Variants in EBF3 observed in about 807,000 individuals in gnomAD.
The protein encoded by EBF3 is transcription factor COE3.
A neutral mutation model predicts 77.1 loss-of-function variants in EBF3; 18 were observed. The ratio of observed to expected loss-of-function variants is 0.23; its 90% CI spans 0.16 to 0.35. EBF3 has a LOEUF of 0.35. EBF3 is among the 10% of genes least tolerant of loss of function. The pLI is 1.00. For synonymous variants in EBF3, 350 were observed against 343.5 expected (o/e 1.02, Z -0.21); for missense variants, 558 against 860.0 (o/e 0.65, Z 4.39).
chr10:129,924,709 C>T (rs145468405), intron 6 of EBF3, among the ~76,000 whole-genome samples: 3 of 152,260 alleles, frequency 2.0e-5, no homozygotes, highest in East Asian at 3.9e-4. Flanking sequence ...CTCTGTTGCC[C>T]GAGCTAGAGT....
intron 6 of EBF3, among the ~76,000 whole-genome samples, chr10:129,898,057 G>A (rs1377349921): frequency 4.6e-5 from 7 of 152,210 alleles, no homozygotes; most frequent in South Asian, 4.1e-4. Flanking sequence ...AGAGCTCAGC[G>A]CTCCTGTTGG....
At position 129,903,496 on chromosome 10, in the gene EBF3, C is replaced by A. The variant is rs140463011; in HGVS notation, c.555-25647G>T. 2.7e-3 allele frequency among the ~76,000 whole-genome samples: 417 copies of A among 152,334 alleles called. 5 individuals carry two copies. The highest frequency in any genetic ancestry group is 1.7e-3 in the Non-Finnish European group (117 of 68,036). On this transcript the variant is annotated intron_variant, in intron 6 of 16. Transcript: ENST00000440978. Reference sequence around the variant, plus strand: ...GAGATTACAAAGATAGCATCACACCCTTACAAAGTTCAGATTACATCCCAT... The same window carrying A: ...GAGATTACAAAGATAGCATCACACCATTACAAAGTTCAGATTACATCCCAT...
rs1850100548 is a variant in EBF3 at position 129,842,044 on chromosome 10, C to G, written c.1372+72G>C. On this transcript the variant is annotated intron_variant, in intron 13 of 16. Coordinates refer to ENST00000440978, the MANE Select transcript of EBF3 (RefSeq NM_001375380.1). This position sits in a 1 kb window ranked among gnomAD's most constrained non-coding sequence, Gnocchi z 4.4. ...TCCCCAGCTGGCCCTGGACACGTGC[C>G]TCTTCAGCTAAGGCCTCAACCAACC... 9 of 1,595,654 alleles carry G rather than the reference C, an allele frequency of 5.6e-6. No homozygotes were observed. Among genetic ancestry groups the G allele is most frequent in the Non-Finnish European group, 7.7e-6 (9 of 1,166,994 alleles).
intron 6 of EBF3, among the ~76,000 whole-genome samples, chr10:129,881,732 G>A (rs570270947): frequency 2.0e-5 from 3 of 152,302 alleles, no homozygotes; most frequent in Admixed American, 6.5e-5. Flanking sequence ...TGTGAAGATG[G>A]ACCAAGGGGC....
At position 129,865,062 on chromosome 10, in the gene EBF3, C is replaced by T. The variant is rs975512681; in HGVS notation, c.1039+2079G>A. 2.6e-5 allele frequency among the ~76,000 whole-genome samples: 4 copies of T among 152,224 alleles called. No homozygotes were observed. The East Asian group carries it at 7.7e-4, about 29-fold the overall frequency. On this transcript the variant is annotated intron_variant, in intron 10 of 16. Coordinates refer to ENST00000440978, the MANE Select transcript of EBF3 (RefSeq NM_001375380.1). ...GCAAACACCAGGTCTTTGCACGGGG[C>T]CTACAGCCTCTACAGCCAGATGTGC...
At chr10:129,869,469 C>T (rs1395702480) in intron 8 of EBF3, among the ~76,000 whole-genome samples, 1 of 151,188 alleles carries the variant, frequency 6.6e-6, no homozygotes, top group Non-Finnish European at 1.5e-5. Context: ...CAAAGGACAT[C>T]TTGGGGCCTT....
chr10:129,857,489 C>A (rs577420592), intron 10 of EBF3, among the ~76,000 whole-genome samples: 1 of 152,330 alleles, frequency 6.6e-6, no homozygotes, highest in East Asian at 1.9e-4. Flanking sequence ...TCTACGGCCA[C>A]CTCCCAACCA....
intron 6 of EBF3, among the ~76,000 whole-genome samples, chr10:129,955,637 T>G (rs1858979798): frequency 6.6e-6 from 1 of 152,222 alleles, no homozygotes; most frequent in South Asian, 2.1e-4. Context: ...GCATCAATAG[T>G]CAATAAAGGA....
chr10:129,950,308 G>A lies in EBF3; in HGVS notation c.554+6950C>T, dbSNP rs544847844. Among the ~76,000 whole-genome samples the A allele has an allele frequency of 2.4e-4, 37 of 152,274 alleles. 1 individual carries two copies. The highest frequency in any genetic ancestry group is 8.2e-4 in the African/African-American group (34 of 41,552). On this transcript the variant is annotated intron_variant, in intron 6 of 16. Coordinates refer to ENST00000440978, the MANE Select transcript of EBF3 (RefSeq NM_001375380.1). Reference sequence around the variant, plus strand: ...TGCAGAGGATGCGCCCCATCCACTCGGGCACCACAGCCCTGCATGAATTTT... The same window carrying A: ...TGCAGAGGATGCGCCCCATCCACTCAGGCACCACAGCCCTGCATGAATTTT...
chr10:129,944,926 T>C lies in EBF3; in HGVS notation c.554+12332A>G, dbSNP rs2134518546. On this transcript the variant is annotated intron_variant, in intron 6 of 16. Transcript: ENST00000440978. This position sits in a 1 kb window ranked among gnomAD's most constrained non-coding sequence, Gnocchi z 5.1. ...GCTTGATTTTTTAAAAGAAAAACAC[T>C]GTCTGAAGTTTAGAATAAACTGTAC... is the stretch of plus-strand genomic sequence containing the variant. 6.6e-6 allele frequency among the ~76,000 whole-genome samples: 1 copy of C among 151,422 alleles called. No homozygotes were observed. Among genetic ancestry groups the C allele is most frequent in the Non-Finnish European group, 1.5e-5 (1 of 67,920 alleles).
rs561845772 is a variant in EBF3 at position 129,897,096 on chromosome 10, C to T, written c.555-19247G>A. 9.8e-4 allele frequency among the ~76,000 whole-genome samples: 149 copies of T among 152,326 alleles called. 1 individual carries two copies. The highest frequency in any genetic ancestry group is 1.7e-3 in the Non-Finnish European group (117 of 68,034). ...CAACCTGAGCAGAGATGGGCCTAGA[C>T]GGGCAGTTGGAGCTGGGAGACAGGA... is the stretch of plus-strand genomic sequence containing the variant. On this transcript the variant is annotated intron_variant, in intron 6 of 16. Transcript: ENST00000440978. The surrounding 1 kb of genome is among the most constrained non-coding windows in gnomAD (Gnocchi z 4.6).
chr10:129,867,744 C>A, intron 9 of EBF3, 38 bp downstream of exon 9: 1 of 1,610,218 alleles, frequency 6.2e-7, no homozygotes, highest in Non-Finnish European at 8.5e-7. Flanking sequence ...TTCATGAAGA[C>A]AGCAACAGCG....
In EBF3 at chr10:129,848,256, C is replaced by T. The variant is rs563401161; in HGVS notation, c.1128+136G>A. ...GTGCGGGCCCGGGCAGCTCCTCACA[C>T]CTGTCGGCCCTGTGGTGGGCACAGA... On this transcript the variant is annotated intron_variant, in intron 11 of 16. Coordinates refer to ENST00000440978, the MANE Select transcript of EBF3 (RefSeq NM_001375380.1). This position sits in a 1 kb window ranked among gnomAD's most constrained non-coding sequence, Gnocchi z 4.4. The T allele has an allele frequency of 1.1e-4, 101 of 919,242 alleles. No homozygotes were observed. In the South Asian group the frequency reaches 1.2e-3, roughly 11 times the overall value. The allele number at this position is 919,242 out of a possible 1,614,324, so 56.9% of individuals were successfully genotyped here.
intron 6 of EBF3, among the ~76,000 whole-genome samples, chr10:129,949,551 G>A (rs1858500773): frequency 1.3e-5 from 2 of 152,258 alleles, no homozygotes; most frequent in South Asian, 4.1e-4. Flanking sequence ...CCCAGAGTTG[G>A]GGTGACCCTG....
At position 129,952,658 on chromosome 10, in the gene EBF3, A is replaced by G. The variant is rs910208705; in HGVS notation, c.554+4600T>C. Among the ~76,000 whole-genome samples the G allele has an allele frequency of 2.6e-5, 4 of 152,172 alleles. No homozygotes were observed. The highest frequency in any genetic ancestry group is 4.4e-5 in the Non-Finnish European group (3 of 68,030). On this transcript the variant is annotated intron_variant, in intron 6 of 16. Transcript: ENST00000440978. The surrounding 1 kb of genome is among the most constrained non-coding windows in gnomAD (Gnocchi z 4.7). ...TTGGAGATGGAGTAGGAATAAAAAC[A>G]TTGGGACTGGTCAAATGTTTATCCT...
At chr10:129,961,234 G>C (rs1032036780) in intron 4 of EBF3, among the ~76,000 whole-genome samples, 1 of 152,232 alleles carries the variant, frequency 6.6e-6, no homozygotes, top group East Asian at 1.9e-4. Context: ...TAAGTGTGAA[G>C]TCCAGCTTGG....
chr10:129,921,245 G>A (rs986772755), intron 6 of EBF3, among the ~76,000 whole-genome samples: 1 of 152,180 alleles, frequency 6.6e-6, no homozygotes, highest in East Asian at 1.9e-4. Flanking sequence ...AGCTGGGCAC[G>A]ACTGACGGCG....
chr10:129,859,523 C>G (rs1245643574), intron 10 of EBF3, among the ~76,000 whole-genome samples: 1 of 152,228 alleles, frequency 6.6e-6, no homozygotes, highest in Non-Finnish European at 1.5e-5. Flanking sequence ...CCACGCCTAG[C>G]CTCATTATGC....
At chr10:129,875,187 C>CTTCTTCTTTTTTTTTTTTTTTTTTTTTT (rs1852672323) in intron 7 of EBF3, among the ~76,000 whole-genome samples, 1 of 92,932 alleles carries the variant, frequency 1.1e-5, no homozygotes, top group African/African-American at 4.1e-5. Flanking sequence ...ATGGCTTCTT[C>CTTCTTCTTTTTTTTTTTTTTTTTTTTTT]TTTTTTTTTT....
Sources: gnomAD v4.1 joint callset for allele counts (sites outside exome capture counted in the v4.1 genomes callset) on GRCh38, gnomAD v4.1.1 for gene constraint, Gnocchi (gnomAD v3.1) non-coding constraint, MANE v1.5 for transcripts, NCBI Gene and HGNC (gene_info 2026-07-23, HGNC 2026-07-21) for gene names.